COL5A3: variants seen among roughly 807,000 people sequenced by gnomAD.
COL5A3 encodes the protein collagen alpha-3(V) chain.
A neutral mutation model predicts 250.0 loss-of-function variants in COL5A3; 172 were observed. The observed-to-expected ratio is 0.69, with a 90% CI of 0.61 to 0.78. The LOEUF (loss-of-function observed/expected upper bound fraction) is 0.78. Ranked by LOEUF, COL5A3 falls within the 30% of genes least tolerant of loss-of-function variation. COL5A3 has a pLI of 0.00. For missense variants in COL5A3, 2,340 were observed against 2,334.4 expected (o/e 1.00, Z -0.05); for synonymous variants, 937 against 900.4 (o/e 1.04, Z -0.73).
chr19:9,984,179 C>T (rs1276280429), intron 31 of COL5A3, among the ~76,000 whole-genome samples: 1 of 152,158 alleles, frequency 6.6e-6, no homozygotes, highest in South Asian at 2.1e-4. Flanking sequence ...CCCGCCACTG[C>T]ACCCAGCTAA....
intron 64 of COL5A3, among the ~76,000 whole-genome samples, chr19:9,964,364 C>T (rs988723333): frequency 1.3e-5 from 2 of 151,824 alleles, no homozygotes; most frequent in African/African-American, 4.8e-5. Flanking sequence ...CCTTGGGAGG[C>T]CAATGCAGGA....
intron 65 of COL5A3, 60 bp downstream of exon 65, chr19:9,962,759 C>G: frequency 7.6e-7 from 1 of 1,320,662 alleles, no homozygotes; most frequent in South Asian, 1.3e-5. Flanking sequence ...ACCCCTCAAA[C>G]CCCCCTGCTG....
chr19:9,975,502 T>C (rs1003543653), intron 45 of COL5A3, among the ~76,000 whole-genome samples: 1 of 152,160 alleles, frequency 6.6e-6, no homozygotes, highest in African/African-American at 2.4e-5. Flanking sequence ...TGAGTGTATA[T>C]TGGACATCGA....
chr19:9,969,809 A>T, intron 55 of COL5A3, 60 bp downstream of exon 55: 1 of 1,598,492 alleles, frequency 6.3e-7, no homozygotes, highest in Non-Finnish European at 8.6e-7. Context: ...CCCTCTCCTG[A>T]TGGCCCCACT....
chr19:9,965,802 T>C (rs1393164630), intron 64 of COL5A3, among the ~76,000 whole-genome samples: 1 of 152,164 alleles, frequency 6.6e-6, no homozygotes, highest in Non-Finnish European at 1.5e-5. Context: ...ATGGAAGGTA[T>C]GAGTTCCATA....
intron 46 of COL5A3, 27 bp downstream of exon 46, chr19:9,974,274 G>A (rs775905716): frequency 6.2e-7 from 1 of 1,610,970 alleles, no homozygotes; most frequent in Non-Finnish European, 8.5e-7. Flanking sequence ...AGAATCAGAA[G>A]TGCCACCCCC....
At chr19:10,002,927 A>C (rs2087385878) in intron 6 of COL5A3, among the ~76,000 whole-genome samples, 1 of 152,066 alleles carries the variant, frequency 6.6e-6, no homozygotes, top group South Asian at 2.1e-4. Context: ...ACCACCCACC[A>C]ACAACCCCCC....
Position 9,986,768 on chromosome 19 carries a change from A to AAAT in COL5A3, c.2146-11_2146-10insATT. 2.9e-6 allele frequency: 2 copies of AAAT among 694,580 alleles called. No individual in the cohort carries two copies. The highest frequency in any genetic ancestry group is 3.9e-6 in the Non-Finnish European group (2 of 509,122). The allele number at this position is 694,580 out of a possible 1,614,324, so 43.0% of individuals were successfully genotyped here. A position where few individuals can be genotyped will look rare whatever the true frequency, so the allele number is the denominator to read the frequency against. On this transcript the variant is annotated splice_polypyrimidine_tract_variant and intron_variant, in intron 27 of 66. Transcript: ENST00000264828. The stretch of plus-strand genomic sequence containing the variant: ...GGTTGCCTGAAGTGCCCTGGAAAAT[A>AAAT]AAAAAAAAAAGCTCTCAAGCCTCTT...
Position 10,009,586 on chromosome 19 carries a change from G to A in COL5A3, c.88+712C>T, listed in dbSNP as rs2087496691. On this transcript the variant is annotated intron_variant, in intron 1 of 66. Transcript: ENST00000264828. This position sits in a 1 kb window ranked among gnomAD's most constrained non-coding sequence, Gnocchi z 4.4. ...TCCCCGAAGCCCTGTCCATGGTGCT[G>A]ATCGCGGCTCTGGGGACCGCGGGGT... Among the ~76,000 whole-genome samples, 2 of 152,072 alleles carry A rather than the reference G, an allele frequency of 1.3e-5. No individual in the cohort carries two copies. Among genetic ancestry groups the A allele is most frequent in the Admixed American group, 1.3e-4 (2 of 15,278 alleles).
In COL5A3 at chr19:9,968,698, C is replaced by T. The variant is rs765598876; in HGVS notation, c.4183G>A (p.Asp1395Asn). 2.5e-6 allele frequency: 4 copies of T among 1,605,906 alleles called. No individual in the cohort carries two copies. Among genetic ancestry groups the T allele is most frequent in the Non-Finnish European group, 1.7e-6 (2 of 1,177,442 alleles). Residue 1395 changes from aspartate (D) to asparagine (N), a missense_variant, in exon 58 of 67, where the codon GAC (aspartate) becomes AAC (asparagine). Physicochemically the swap from Asp to Asn is conservative, Grantham distance 23 (BLOSUM62 1). Transcript: ENST00000264828. This position sits in a 1 kb window ranked among gnomAD's most constrained non-coding sequence, Gnocchi z 4.1. ...GPSGLPGLKG[D>N]TGPKGEKGHI... Reference sequence around the variant, plus strand: ...ACCTTTTCCCCCTTGGGGCCAGTGTCTCCCTTCAGCCCTGGGAGGCCAGAG... The same window carrying T: ...ACCTTTTCCCCCTTGGGGCCAGTGTTTCCCTTCAGCCCTGGGAGGCCAGAG...
Position 9,972,937 on chromosome 19 carries a change from A to G in COL5A3, c.3756T>C (p.Asp1252=), listed in dbSNP as rs750647473. 27 of 1,609,222 alleles carry G rather than the reference A, an allele frequency of 1.7e-5. No homozygotes were observed. The highest frequency in any genetic ancestry group is 1.2e-4 in the Admixed American group (7 of 59,474). Residue 1252 remains aspartate, a synonymous_variant, in exon 51 of 67, where the codon GAT becomes GAC. Coordinates refer to ENST00000264828, the MANE Select transcript of COL5A3 (RefSeq NM_015719.4). Reference sequence around the variant, plus strand: ...GACTCACCACGCTCCCTTTGGCTCCATCCTCTCCAGGGGGACCTTTCTTGC... The same window carrying G: ...GACTCACCACGCTCCCTTTGGCTCCGTCCTCTCCAGGGGGACCTTTCTTGC... The part of the protein sequence containing the change: ...PPGKKGPPGE[D]GAKGSVGPTG...
At position 9,969,618 on chromosome 19, in the gene COL5A3, C is replaced by G; in HGVS notation, c.4055G>C (p.Gly1352Ala). ...TGPMGARGPPGRVGPEGLRGI... is the reference protein window; with the variant it reads ...TGPMGARGPPARVGPEGLRGI... ...TCGAAGACCCTCAGGCCCCACACGT[C>G]CAGGGGGCCCTCTAGCCCCCATTGG... The change falls in exon 56 of 67, where the codon GGA (glycine) becomes GCA (alanine). Residue 1352 changes from glycine to alanine, a missense_variant. Around this residue, in one of 3 missense-constraint regions of COL5A3, gnomAD observed 1,179 missense variants for 1,162.6 expected, o/e 1.01. Transcript: ENST00000264828. 6.2e-7 allele frequency: 1 copy of G among 1,602,248 alleles called. No individual in the cohort carries two copies. The highest frequency in any genetic ancestry group is 1.3e-5 in the African/African-American group (1 of 74,170).
intron 16 of COL5A3, among the ~76,000 whole-genome samples, 186 bp downstream of exon 16, chr19:9,995,378 A>G (rs1241969492): frequency 1.3e-5 from 2 of 152,180 alleles, no homozygotes; most frequent in East Asian, 3.8e-4. Flanking sequence ...CCTGCAGGCA[A>G]GTCCTTCCTG....
chr19:9,979,161 G>A lies in COL5A3; in HGVS notation c.2845C>T (p.Pro949Ser), dbSNP rs2145090874. The change falls in exon 39 of 67, where the codon CCT (proline) becomes TCT (serine). Residue 949 changes from proline to serine, a missense_variant. Transcript: ENST00000264828. ...GCCCCCTCTCTGCCTTCCAGGCCAG[G>A]AAGACCTTGTTCACCAGGAGGTCCA... ...PPGPPGEQGLPGLEGREGAKG... is the reference protein window; with the variant it reads ...PPGPPGEQGLSGLEGREGAKG... The A allele has an allele frequency of 6.3e-7, 1 of 1,598,148 alleles. No homozygotes were observed. The highest frequency in any genetic ancestry group is 1.1e-5 in the South Asian group (1 of 88,868).
At chr19:9,987,479 G>A (rs113802396) in intron 27 of COL5A3, among the ~76,000 whole-genome samples, 6,356 of 152,188 alleles carry the variant, frequency 0.042, 162 homozygotes, top group African/African-American at 0.071. Flanking sequence ...GCTTACACCT[G>A]TAATCCCAAC....
rs758959873 is a variant in COL5A3 at position 10,006,228 on chromosome 19, G to A, written c.92C>T (p.Pro31Leu). ...LQLLPGTQADPVDVLKALGVQ... is the reference protein window; with the variant it reads ...LQLLPGTQADLVDVLKALGVQ... ...ACCCAGGGCCTTCAGGACATCCACA[G>A]GATCTGCAGCAGAGAGAAGCCGGGG... Residue 31 changes from proline (P) to leucine (L), a missense_variant, in exon 2 of 67, where the codon CCT becomes CTT. By Grantham distance (98) the Pro-to-Leu change is moderately conservative (BLOSUM62 -3). Transcript: ENST00000264828. 22 of 1,596,692 alleles carry A rather than the reference G, an allele frequency of 1.4e-5. No homozygotes were observed. The highest frequency in any genetic ancestry group is 5.6e-5 in the South Asian group (5 of 88,666).
chr19:9,974,559 G>T, intron 45 of COL5A3, 151 bp from the exon 46 acceptor site: 1 of 571,066 alleles, frequency 1.8e-6, no homozygotes, highest in East Asian at 3.2e-5. Flanking sequence ...TGGGGTCTAG[G>T]TTAAGGAACA....
At chr19:10,007,590 C>A (rs1015044935) in intron 1 of COL5A3, among the ~76,000 whole-genome samples, 11 of 152,184 alleles carry the variant, frequency 7.2e-5, no homozygotes, top group African/African-American at 2.7e-4. Flanking sequence ...AGCAAACTGT[C>A]CCACTGACCC....
In COL5A3 at chr19:9,993,045, G is replaced by A. The variant is rs1327503133; in HGVS notation, c.1772C>T (p.Pro591Leu). Residue 591 changes from proline to leucine, a missense_variant, in exon 20 of 67, where the codon CCC (proline) becomes CTC (leucine). Coordinates refer to ENST00000264828, the MANE Select transcript of COL5A3 (RefSeq NM_015719.4). ...CACCGGCTCCCCAGCCTGGCCAGTGGGCCCTGGAGGTCCCTCTGCTCCCTG... is the reference window on the plus strand; with the variant it reads ...CACCGGCTCCCCAGCCTGGCCAGTGAGCCCTGGAGGTCCCTCTGCTCCCTG... ...GERGAEGPPG[P>L]TGQAGEPGPR... is the part of the protein sequence containing the mutation. 2.5e-6 allele frequency: 4 copies of A among 1,613,902 alleles called. No homozygotes were observed. In the South Asian group the frequency reaches 3.3e-5, roughly 13 times the overall value.
Sources: allele counts gnomAD v4.1 joint callset (sites outside exome capture counted in the v4.1 genomes callset), GRCh38; gene constraint gnomAD v4.1.1; regional missense constraint gnomAD v4.1.1; non-coding constraint Gnocchi (gnomAD v3.1); transcripts MANE v1.5; gene names NCBI Gene and HGNC (gene_info 2026-07-23, HGNC 2026-07-21).